CCNY: variants seen among roughly 807,000 people sequenced by gnomAD.
CCNY encodes the protein cyclin Y, also known as cyclin-Y.
A neutral mutation model predicts 42.8 loss-of-function variants in CCNY; 19 were observed. That is an observed-to-expected ratio of 0.44 (90% CI 0.31 to 0.65). The LOEUF (loss-of-function observed/expected upper bound fraction) is 0.65, where lower values mean the gene tolerates loss of function less well. Ranked by LOEUF, CCNY falls within the 30% of genes least tolerant of loss-of-function variation. The pLI, the probability that CCNY is intolerant of heterozygous loss-of-function variation, is 0.07. For synonymous variants in CCNY, 165 were observed against 162.7 expected, an observed-to-expected ratio of 1.01 and a Z score of -0.11; for missense variants, 370 against 437.3, an observed-to-expected ratio of 0.85 and a Z score of 1.37.
chr10:35,263,122 C>T (rs1486806894), intron 3 of CCNY, among the ~76,000 whole-genome samples: 4 of 151,780 alleles, frequency 2.6e-5, no homozygotes, highest in Admixed American at 6.6e-5. Flanking sequence ...TTTGGGAGGG[C>T]GAGGTGGGTG....
At chr10:35,416,049 ATGT>A (rs1357676402) in intron 1 of CCNY, among the ~76,000 whole-genome samples, 5 of 152,138 alleles carry the variant, frequency 3.3e-5, no homozygotes, top group Non-Finnish European at 7.3e-5. Flanking sequence ...TTGGCAGCTG[ATGT>A]TCAAAGAAGA....
At chr10:35,271,543 A>G (rs992539246) in intron 3 of CCNY, among the ~76,000 whole-genome samples, 10 of 152,132 alleles carry the variant, frequency 6.6e-5, no homozygotes, top group Non-Finnish European at 1.5e-4. Flanking sequence ...AGGAGAAACT[A>G]TTTTACCAGA....
chr10:35,274,695 C>T (rs774427863), intron 3 of CCNY, among the ~76,000 whole-genome samples: 14 of 152,214 alleles, frequency 9.2e-5, no homozygotes, highest in Non-Finnish European at 1.8e-4. Context: ...AGGGAGCTAA[C>T]GAAGTCCCGA....
intron 2 of CCNY, among the ~76,000 whole-genome samples, chr10:35,485,756 G>A (rs1008700415): frequency 1.3e-5 from 2 of 150,376 alleles, no homozygotes; most frequent in Non-Finnish European, 3.0e-5. Flanking sequence ...AAAAAAACAC[G>A]TAGATTTGGT....
At chr10:35,331,603 C>T (rs531447872), upstream of CCNY, among the ~76,000 whole-genome samples, 23 of 152,302 alleles carry the variant, frequency 1.5e-4, 1 homozygote, top group African/African-American at 5.3e-4. Flanking sequence ...GCTCCCTTCT[C>T]GGCTAAGCTG....
At chr10:35,376,626 G>A (rs1837057268) in intron 1 of CCNY, among the ~76,000 whole-genome samples, 1 of 152,144 alleles carries the variant, frequency 6.6e-6, no homozygotes, top group Non-Finnish European at 1.5e-5. Flanking sequence ...TAATGCATAT[G>A]TTCCCAAATC....
intron 1 of CCNY, among the ~76,000 whole-genome samples, chr10:35,448,198 C>T (rs184500726): frequency 1.3e-5 from 2 of 152,296 alleles, no homozygotes; most frequent in East Asian, 3.9e-4. Context: ...CGTTCTTTAA[C>T]TCATTCAACA....
At chr10:35,457,998 C>T (rs7906857) in intron 1 of CCNY, among the ~76,000 whole-genome samples, 140,399 of 152,280 alleles carry the variant, frequency 0.92, 65,077 homozygotes, top group South Asian at 0.98. Context: ...GGTTTCTCTT[C>T]TCCCTTGTTT....
chr10:35,568,532 C>G (rs928641524), intron 9 of CCNY, among the ~76,000 whole-genome samples: 1 of 152,202 alleles, frequency 6.6e-6, no homozygotes, highest in African/African-American at 2.4e-5. Flanking sequence ...TTCGGCAACC[C>G]TCTAGAGGTG....
chr10:35,374,501 G>T (rs977221372), intron 1 of CCNY, among the ~76,000 whole-genome samples: 1 of 152,168 alleles, frequency 6.6e-6, no homozygotes, highest in Non-Finnish European at 1.5e-5. Flanking sequence ...TTTTAGTGCT[G>T]TAAAATGTGT....
chr10:35,563,631 A>G (rs1288917743), intron 8 of CCNY, among the ~76,000 whole-genome samples: 1 of 152,202 alleles, frequency 6.6e-6, no homozygotes, highest in Non-Finnish European at 1.5e-5. Context: ...ATGATCTCTT[A>G]TTAAATCTCA....
At chr10:35,398,360 T>C (rs1837570422) in intron 1 of CCNY, among the ~76,000 whole-genome samples, 1 of 152,234 alleles carries the variant, frequency 6.6e-6, no homozygotes, top group Admixed American at 6.5e-5. Context: ...ACAGGTTGTG[T>C]TCCTTGGAAG....
chr10:35,422,330 A>G (rs571088584), intron 1 of CCNY, among the ~76,000 whole-genome samples: 4 of 152,106 alleles, frequency 2.6e-5, no homozygotes, highest in Non-Finnish European at 4.4e-5. Flanking sequence ...ACAATTCTAT[A>G]TAGGCAGTTG....
intron 1 of CCNY, among the ~76,000 whole-genome samples, chr10:35,426,403 G>T (rs113366480): frequency 2.0e-5 from 3 of 152,260 alleles, no homozygotes; most frequent in East Asian, 3.9e-4. Flanking sequence ...AGAAACATAA[G>T]CTGAGACCCC....
chr10:35,415,077 G>T (rs1454046850), intron 1 of CCNY, among the ~76,000 whole-genome samples: 2 of 152,226 alleles, frequency 1.3e-5, no homozygotes, highest in Non-Finnish European at 1.5e-5. Flanking sequence ...GGGAAGATCA[G>T]TAGTTTCCTG....
chr10:35,478,101 AAGG>A (rs1457071640), intron 1 of CCNY, among the ~76,000 whole-genome samples: 6 of 150,560 alleles, frequency 4.0e-5, no homozygotes, highest in African/African-American at 1.5e-4. Flanking sequence ...GGACCTCTTC[AAGG>A]AGAACTACAA....
chr10:35,287,046 AGT>A (rs1323641110), intron 3 of CCNY, among the ~76,000 whole-genome samples: 4 of 152,204 alleles, frequency 2.6e-5, no homozygotes. Context: ...GAAAGTGAGC[AGT>A]GTTTTCTTTT....
intron 3 of CCNY, among the ~76,000 whole-genome samples, chr10:35,293,695 T>C (rs1835439921): frequency 6.6e-6 from 1 of 152,198 alleles, no homozygotes; most frequent in African/African-American, 2.4e-5. Context: ...AATTTATTCC[T>C]TAGTATCACT....
intron 9 of CCNY, 122 bp from the exon 10 acceptor site, chr10:35,568,932 G>A (rs1356784485): frequency 1.5e-5 from 10 of 681,282 alleles, no homozygotes; most frequent in East Asian, 2.5e-5. Context: ...GCTCTGGGCC[G>A]GAGCTCCACA....
Sources: allele counts gnomAD v4.1 joint callset (sites outside exome capture counted in the v4.1 genomes callset), GRCh38; gene constraint gnomAD v4.1.1; transcripts MANE v1.5; gene names NCBI Gene and HGNC (gene_info 2026-07-23, HGNC 2026-07-21).